Variants in STAG1 observed in about 807,000 individuals in gnomAD.
STAG1 encodes the protein STAG1 cohesin complex component.
Under a neutral mutation model 170.9 loss-of-function variants are expected in STAG1, and 26 were observed. That is an observed-to-expected ratio of 0.15 (90% confidence interval 0.11 to 0.21). STAG1 has a LOEUF of 0.21. Ranked by LOEUF, STAG1 falls within the 10% of genes least tolerant of loss-of-function variation. The pLI is 1.00. For missense variants in STAG1, 964 were observed against 1,509.5 expected, an observed-to-expected ratio of 0.64 and a Z score of 5.99; for synonymous variants, 514 against 497.7, an observed-to-expected ratio of 1.03 and a Z score of -0.44.
intron 1 of STAG1, among the ~76,000 whole-genome samples, chr3:136,663,937 T>A (rs1559937594): frequency 6.6e-6 from 1 of 151,922 alleles, no homozygotes; most frequent in Admixed American, 6.6e-5. Flanking sequence ...CCAAAGGAGA[T>A]AAAGAGAGGA....
At chr3:136,588,922 C>T in intron 4 of STAG1, among the ~76,000 whole-genome samples, 1 of 152,192 alleles carries the variant, frequency 6.6e-6, no homozygotes, top group South Asian at 2.1e-4. Flanking sequence ...GTCACCACAA[C>T]CAAATAACTT....
chr3:136,598,527 C>A (rs1340896847), intron 4 of STAG1, among the ~76,000 whole-genome samples: 2 of 151,824 alleles, frequency 1.3e-5, no homozygotes, highest in East Asian at 3.9e-4. Context: ...CCCGGGTTCA[C>A]GCCATTCTCC....
At chr3:136,554,845 G>C (rs1936543273) in intron 5 of STAG1, among the ~76,000 whole-genome samples, 1 of 151,760 alleles carries the variant, frequency 6.6e-6, no homozygotes, top group African/African-American at 2.4e-5. Context: ...AGTATGCTGT[G>C]ATCACATGAC....
intron 1 of STAG1, among the ~76,000 whole-genome samples, chr3:136,684,122 C>A (rs1942431592): frequency 1.3e-5 from 2 of 152,104 alleles, no homozygotes; most frequent in Admixed American, 1.3e-4. Flanking sequence ...TTTATAGATT[C>A]AACATAATCC....
chr3:136,524,263 T>A (rs1934870194), intron 6 of STAG1, among the ~76,000 whole-genome samples: 1 of 152,198 alleles, frequency 6.6e-6, no homozygotes, highest in African/African-American at 2.4e-5. Flanking sequence ...TGTCGTCTTT[T>A]ATTTCATTGA....
Position 136,542,205 on chromosome 3 carries a change from AAC to A in STAG1, c.395-12_395-11del, listed in dbSNP as rs1233031998. On this transcript the variant is annotated splice_polypyrimidine_tract_variant and intron_variant, in intron 5 of 33. Coordinates refer to ENST00000383202, the MANE Select transcript of STAG1 (RefSeq NM_005862.3). ...TCTATTCTCACAGTACCTGTGGAAC[AAC>A]AGATTTTACATTAATCTTTCAATTA... The A allele has an allele frequency of 1.9e-6, 3 of 1,593,388 alleles. No individual in the cohort carries two copies. Among genetic ancestry groups the A allele is most frequent in the Non-Finnish European group, 2.6e-6 (3 of 1,168,164 alleles).
At chr3:136,722,085 T>C (rs772781528) in intron 1 of STAG1, among the ~76,000 whole-genome samples, 10 of 151,784 alleles carry the variant, frequency 6.6e-5, no homozygotes, top group Non-Finnish European at 1.3e-4. Flanking sequence ...TAGCCAGGCA[T>C]GGTGGTGCAC....
intron 13 of STAG1, among the ~76,000 whole-genome samples, chr3:136,457,958 CA>C (rs913199163): frequency 1.3e-5 from 2 of 151,752 alleles, no homozygotes; most frequent in African/African-American, 4.8e-5. Flanking sequence ...AACAAACAAA[CA>C]AAAAAACCCC....
chr3:136,529,651 A>G (rs1935267313), intron 6 of STAG1, among the ~76,000 whole-genome samples: 1 of 152,206 alleles, frequency 6.6e-6, no homozygotes, highest in African/African-American at 2.4e-5. Flanking sequence ...AATGCTCAAG[A>G]GAGTCCTAAA....
chr3:136,432,953 A>C (rs1261772771), intron 16 of STAG1, among the ~76,000 whole-genome samples: 4 of 151,798 alleles, frequency 2.6e-5, no homozygotes, highest in African/African-American at 7.3e-5. Context: ...TCAATTTTTC[A>C]GGAAAAAATA....
At chr3:136,597,534 T>C in intron 4 of STAG1, among the ~76,000 whole-genome samples, 1 of 152,150 alleles carries the variant, frequency 6.6e-6, no homozygotes, top group Admixed American at 6.5e-5. Flanking sequence ...CCACCCAAAT[T>C]TTTTATTAGA....
At chr3:136,582,984 G>C (rs193030805) in intron 4 of STAG1, among the ~76,000 whole-genome samples, 48 of 152,256 alleles carry the variant, frequency 3.2e-4, no homozygotes, top group Non-Finnish European at 5.9e-4. Context: ...GCATAGACTA[G>C]TGTCAGAATT....
At chr3:136,544,455 T>A (rs1287571857) in intron 5 of STAG1, among the ~76,000 whole-genome samples, 1 of 152,164 alleles carries the variant, frequency 6.6e-6, no homozygotes, top group African/African-American at 2.4e-5. Context: ...CAAGGCTCTT[T>A]TAAGTTTATA....
chr3:136,718,677 C>T (rs1238247791), intron 1 of STAG1, among the ~76,000 whole-genome samples: 1 of 152,156 alleles, frequency 6.6e-6, no homozygotes, highest in Admixed American at 6.6e-5. Context: ...GTAATCCCAG[C>T]ACTTTGGGAG....
rs181953382 is a variant in STAG1 at position 136,400,520 on chromosome 3, C to T, written c.2197-1691G>A. Reference sequence around the variant, plus strand: ...ATAGGCGTGAGCCACCACGCCCGGCCGCAACATAAATTTTCTTTCTTTTTT... The same window carrying T: ...ATAGGCGTGAGCCACCACGCCCGGCTGCAACATAAATTTTCTTTCTTTTTT... On this transcript the variant is annotated intron_variant, in intron 21 of 33. Transcript: ENST00000383202. Among the ~76,000 whole-genome samples, 11 of 151,500 alleles carry T rather than the reference C, an allele frequency of 7.3e-5. No individual in the cohort carries two copies. The East Asian group carries it at 1.4e-3, about 19-fold the overall frequency.
At position 136,663,097 on chromosome 3, in the gene STAG1, A is replaced by T. The variant is rs373660371; in HGVS notation, c.-83-32116T>A. Among the ~76,000 whole-genome samples, 56 of 152,182 alleles carry T rather than the reference A, an allele frequency of 3.7e-4. No homozygotes were observed. The East Asian group carries it at 7.7e-3, about 21-fold the overall frequency. On this transcript the variant is annotated intron_variant, in intron 1 of 33. Transcript: ENST00000383202. ...TAAAATTAAATTAAATTAAATTAAA[A>T]TAAAATCAAGTGGGTTGAAAATAAA...
At chr3:136,633,899 G>A (rs1392566235) in intron 1 of STAG1, among the ~76,000 whole-genome samples, 1 of 141,042 alleles carries the variant, frequency 7.1e-6, no homozygotes, top group East Asian at 2.3e-4. Flanking sequence ...TGAGGCGGGC[G>A]AATCACTTGA....
intron 9 of STAG1, among the ~76,000 whole-genome samples, chr3:136,491,533 A>C (rs1397899533): frequency 2.0e-5 from 3 of 152,088 alleles, no homozygotes; most frequent in Admixed American, 6.5e-5. Flanking sequence ...CCTGGTTCTT[A>C]TTATTTGCCA....
chr3:136,407,454 G>A (rs1425757681), intron 21 of STAG1, among the ~76,000 whole-genome samples: 4 of 151,700 alleles, frequency 2.6e-5, no homozygotes, highest in South Asian at 4.2e-4. Context: ...TTTTTCAATC[G>A]TTCATTGCTA....
Sources: allele counts gnomAD v4.1 joint callset (sites outside exome capture counted in the v4.1 genomes callset), GRCh38; gene constraint gnomAD v4.1.1; transcripts MANE v1.5; gene names NCBI Gene and HGNC (gene_info 2026-07-23, HGNC 2026-07-21).